The following KCNQ1 variants were observed in gnomAD, a reference collection of about 807,000 sequenced individuals.
The protein encoded by KCNQ1 is potassium voltage-gated channel subfamily Q member 1.
Under a neutral mutation model 72.4 loss-of-function variants are expected in KCNQ1, and 49 were observed. The observed-to-expected ratio is 0.68, with a 90% confidence interval of 0.54 to 0.86. KCNQ1 has a LOEUF of 0.86. KCNQ1 is among the 40% of genes least tolerant of loss of function. KCNQ1 has a pLI of 0.00. For synonymous variants in KCNQ1, 450 were observed against 412.6 expected (o/e 1.09, Z -1.10); for missense variants, 790 against 945.1 (o/e 0.84, Z 2.15).
rs532954997 is a variant in KCNQ1, at chr11:2,813,629, G to A, written c.1795-34138G>A. ...AGGATGAGAGAAGGAACAGAGGGGA[G>A]GACCAACATCTCGGCTGATCCTGGT... is the stretch of plus-strand genomic sequence containing the variant. On this transcript the variant is annotated intron_variant, in intron 15 of 15. Coordinates refer to ENST00000155840, the MANE Select transcript of KCNQ1 (RefSeq NM_000218.3). This position sits in a 1 kb window ranked among gnomAD's most constrained non-coding sequence, Gnocchi z 4.4. Among the ~76,000 whole-genome samples, 2 of 152,228 alleles carry A rather than the reference G, an allele frequency of 1.3e-5. No individual in the cohort carries two copies. The highest frequency in any genetic ancestry group is 6.5e-5 in the Admixed American group (1 of 15,292).
Position 2,621,976 on chromosome 11 carries a change from C to G in KCNQ1, c.1393+33122C>G. The G allele has an allele frequency of 2.5e-6, 1 of 398,142 alleles. No individual in the cohort carries two copies. Among genetic ancestry groups the G allele is most frequent in the Non-Finnish European group, 4.4e-6 (1 of 225,898 alleles). 24.7% of individuals were successfully genotyped at this position (398,142 alleles called of 1,614,324 possible). A position where few individuals can be genotyped will look rare whatever the true frequency, so the allele number is the denominator to read the frequency against. ...TACAATTTTGGGCTATTTGAAATAT[C>G]TCTTCTTTTTTAATGTAGGCAAGGC... On this transcript the variant is annotated intron_variant, in intron 10 of 15. Transcript: ENST00000155840. The surrounding 1 kb of genome is among the most constrained non-coding windows in gnomAD (Gnocchi z 5.7).
chr11:2,847,607 C>T (rs531876794), intron 15 of KCNQ1, among the ~76,000 whole-genome samples, 160 bp from the exon 16 acceptor site: 34 of 152,202 alleles, frequency 2.2e-4, no homozygotes, highest in Non-Finnish European at 4.0e-4. Flanking sequence ...GAGGGCCTTG[C>T]AGACATAGGG....
Position 2,588,762 on chromosome 11 carries a change from G to A in KCNQ1, c.1301G>A (p.Gly434Glu). ...GACAAAGACAATGGGGTGACTCCTG[G>A]AGAGAAGATGCTCACAGTCCCCCAT... ...KLDKDNGVTP[G>E]EKMLTVPHIT... The change falls in exon 10 of 16, where the codon GGA (glycine) becomes GAA (glutamate). Residue 434 changes from glycine (G) to glutamate (E), a missense_variant. Physicochemically the swap from Gly to Glu is moderately conservative, Grantham distance 98. Around this residue, in one of 5 missense-constraint regions of KCNQ1, gnomAD observed 178 missense variants for 177.9 expected, o/e 1.00. Transcript: ENST00000155840. The surrounding 1 kb of genome is among the most constrained non-coding windows in gnomAD (Gnocchi z 5.6). The A allele has an allele frequency of 6.2e-7, 1 of 1,613,764 alleles. No homozygotes were observed. The highest frequency in any genetic ancestry group is 8.5e-7 in the Non-Finnish European group (1 of 1,179,998).
chr11:2,801,480 G>C (rs545395432), intron 15 of KCNQ1, among the ~76,000 whole-genome samples: 1 of 152,344 alleles, frequency 6.6e-6, no homozygotes, highest in East Asian at 1.9e-4. Context: ...CTCCTGGTGA[G>C]GGCCCTCTTC....
At chr11:2,459,840 G>A (rs1449041654) in intron 1 of KCNQ1, among the ~76,000 whole-genome samples, 2 of 152,174 alleles carry the variant, frequency 1.3e-5, no homozygotes, top group Non-Finnish European at 2.9e-5. Flanking sequence ...ATGCAGCACA[G>A]GTGGCCAAAA....
chr11:2,461,220 A>G (rs1846272487), intron 1 of KCNQ1, among the ~76,000 whole-genome samples: 1 of 151,578 alleles, frequency 6.6e-6, no homozygotes, highest in Non-Finnish European at 1.5e-5. Context: ...CTCGGTCTGC[A>G]TGTGCAGGGC....
rs949658474 is a variant in KCNQ1 at position 2,766,378 on chromosome 11, T to C, written c.1515-2466T>C. 6.6e-6 allele frequency among the ~76,000 whole-genome samples: 1 copy of C among 152,222 alleles called. No individual in the cohort carries two copies. The highest frequency in any genetic ancestry group is 2.4e-5 in the African/African-American group (1 of 41,460). ...GTTGTCCTCACGTGTCTGGAGCCACTGGGTTGTCAGCCAGGGTCTCTCAGC... is the reference window on the plus strand; with the variant it reads ...GTTGTCCTCACGTGTCTGGAGCCACCGGGTTGTCAGCCAGGGTCTCTCAGC... On this transcript the variant is annotated intron_variant, in intron 11 of 15. Transcript: ENST00000155840. The surrounding 1 kb of genome is among the most constrained non-coding windows in gnomAD (Gnocchi z 4.4).
chr11:2,750,395 C>G lies in KCNQ1; in HGVS notation c.1515-18449C>G, dbSNP rs1846209647. ...CTGCTCTGTGAACTGCTGGGCCTTC[C>G]TTAGGGGCCCTGGGGAGCCTTCCCA... On this transcript the variant is annotated intron_variant, in intron 11 of 15. Transcript: ENST00000155840. This position sits in a 1 kb window ranked among gnomAD's most constrained non-coding sequence, Gnocchi z 6.3. 1.3e-5 allele frequency among the ~76,000 whole-genome samples: 2 copies of G among 152,148 alleles called. No individual in the cohort carries two copies. Among genetic ancestry groups the G allele is most frequent in the African/African-American group, 2.4e-5 (1 of 41,432 alleles).
intron 1 of KCNQ1, among the ~76,000 whole-genome samples, chr11:2,524,242 C>T (rs1019970996): frequency 1.3e-5 from 2 of 152,168 alleles, no homozygotes; most frequent in South Asian, 2.1e-4. Flanking sequence ...TCCCTGCTCA[C>T]GTGCACCAAG....
chr11:2,649,642 G>T (rs1451337100), intron 10 of KCNQ1: 1 of 398,398 alleles, frequency 2.5e-6, no homozygotes, highest in African/African-American at 2.1e-5. Context: ...TTCTTTCCTG[G>T]CCTAGAAGGT....
intron 15 of KCNQ1, among the ~76,000 whole-genome samples, chr11:2,788,087 G>A (rs1211431183): frequency 2.6e-5 from 4 of 152,158 alleles, no homozygotes; most frequent in Non-Finnish European, 4.4e-5. Context: ...GGTGAATGTG[G>A]ATGGCAGGGA....
chr11:2,460,495 C>A (rs1319044846), intron 1 of KCNQ1, among the ~76,000 whole-genome samples: 1 of 150,646 alleles, frequency 6.6e-6, no homozygotes, highest in African/African-American at 2.4e-5. Context: ...CTCCCTCCCT[C>A]CCTCCCTCCC....
chr11:2,648,969 TTTTTTC>T lies in KCNQ1; in HGVS notation c.1394-12980_1394-12975del, dbSNP rs1426075708. The stretch of plus-strand genomic sequence containing the variant: ...ATTATATAATGACCTCCTTTGTCTC[TTTTTTC>T]TTTTTCTTTTTTTTTTTTTTTTTTT... On this transcript the variant is annotated intron_variant, in intron 10 of 15. Coordinates refer to ENST00000155840, the MANE Select transcript of KCNQ1 (RefSeq NM_000218.3). 1.6e-4 allele frequency: 62 copies of T among 389,288 alleles called. 1 individual carries two copies. The highest frequency in any genetic ancestry group is 3.0e-4 in the African/African-American group (14 of 46,194). 24.1% of individuals were successfully genotyped at this position (389,288 alleles called of 1,614,324 possible).
At chr11:2,512,670 G>A (rs1847229297) in intron 1 of KCNQ1, among the ~76,000 whole-genome samples, 1 of 152,188 alleles carries the variant, frequency 6.6e-6, no homozygotes, top group Non-Finnish European at 1.5e-5. Flanking sequence ...GCTGAGCTGG[G>A]CTAGGTCCCT....
At chr11:2,503,614 A>G (rs1041213238) in intron 1 of KCNQ1, among the ~76,000 whole-genome samples, 1 of 152,078 alleles carries the variant, frequency 6.6e-6, no homozygotes, top group Non-Finnish European at 1.5e-5. Context: ...TGGGTGCAGC[A>G]CACCAACATG....
chr11:2,831,830 G>T (rs1367131911), intron 15 of KCNQ1, among the ~76,000 whole-genome samples: 1 of 151,632 alleles, frequency 6.6e-6, no homozygotes, highest in Non-Finnish European at 1.5e-5. Context: ...GACCCCCAGT[G>T]ATTTCACTTC....
chr11:2,692,093 T>A (rs550973613), intron 11 of KCNQ1: 7 of 398,208 alleles, frequency 1.8e-5, no homozygotes, highest in African/African-American at 1.4e-4. Flanking sequence ...TGCCCCCACC[T>A]CCTCTCCACA....
chr11:2,463,371 G>A lies in KCNQ1; in HGVS notation c.386+17887G>A, dbSNP rs551239801. On this transcript the variant is annotated intron_variant, in intron 1 of 15. Coordinates refer to ENST00000155840, the MANE Select transcript of KCNQ1 (RefSeq NM_000218.3). The surrounding 1 kb of genome is among the most constrained non-coding windows in gnomAD (Gnocchi z 7.0). Reference sequence around the variant, plus strand: ...TGCCCCCTCTATCCCCCAGATCGGCGGCTGCTCAAGGAGCCTGGTACAGCT... The same window carrying A: ...TGCCCCCTCTATCCCCCAGATCGGCAGCTGCTCAAGGAGCCTGGTACAGCT... Among the ~76,000 whole-genome samples, 42 of 152,254 alleles carry A rather than the reference G, an allele frequency of 2.8e-4. No homozygotes were observed. The highest frequency in any genetic ancestry group is 7.9e-4 in the African/African-American group (33 of 41,538).
intron 15 of KCNQ1, among the ~76,000 whole-genome samples, chr11:2,838,669 C>T (rs1269869536): frequency 1.3e-5 from 2 of 152,128 alleles, no homozygotes; most frequent in African/African-American, 4.8e-5. Flanking sequence ...GCAGCAGGGC[C>T]GATGTGGGCA....
Sources: gnomAD v4.1 joint callset for allele counts (sites outside exome capture counted in the v4.1 genomes callset) on GRCh38, gnomAD v4.1.1 for gene constraint, gnomAD v4.1.1 regional missense constraint, Gnocchi (gnomAD v3.1) non-coding constraint, MANE v1.5 for transcripts, NCBI Gene and HGNC (gene_info 2026-07-23, HGNC 2026-07-21) for gene names.